The following LATS2 variants were observed in gnomAD, a reference collection of about 807,000 sequenced individuals.
LATS2 encodes serine/threonine-protein kinase LATS2.
Under a neutral mutation model 76.0 loss-of-function variants are expected in LATS2, and 24 were observed. The observed-to-expected ratio is 0.32, with a 90% CI of 0.23 to 0.44. The LOEUF (loss-of-function observed/expected upper bound fraction) is 0.44. Among genes scored for constraint, LATS2 ranks in the 20% least tolerant of loss-of-function variants. The pLI is 1.00. For missense variants in LATS2, 1,286 were observed against 1,481.2 expected (o/e 0.87, Z 2.16); for synonymous variants, 692 against 635.4 (o/e 1.09, Z -1.34).
At chr13:21,047,128 T>TC (rs1177069152) in intron 1 of LATS2, among the ~76,000 whole-genome samples, 6 of 152,158 alleles carry the variant, frequency 3.9e-5, no homozygotes, top group Non-Finnish European at 4.4e-5. Context: ...ACCCCAGGCC[T>TC]CGTTCACGGC....
intron 7 of LATS2, among the ~76,000 whole-genome samples, chr13:20,976,625 G>C (rs1161044657): frequency 6.6e-6 from 1 of 152,086 alleles, no homozygotes; most frequent in African/African-American, 2.4e-5. Context: ...GATTTAAAAA[G>C]GGTAATGGAC....
At chr13:21,025,740 GGT>G (rs1269144561) in intron 2 of LATS2, among the ~76,000 whole-genome samples, 1 of 152,154 alleles carries the variant, frequency 6.6e-6, no homozygotes, top group Non-Finnish European at 1.5e-5. Context: ...GTTCATACAT[GGT>G]GAGGTCTCCT....
At chr13:21,032,732 G>A (rs138423442) in intron 2 of LATS2, among the ~76,000 whole-genome samples, 1 of 152,266 alleles carries the variant, frequency 6.6e-6, no homozygotes, top group South Asian at 2.1e-4. Context: ...GGATGGTACC[G>A]ACACAAATGG....
chr13:21,059,773 C>A (rs943100947), intron 1 of LATS2, among the ~76,000 whole-genome samples: 3 of 152,114 alleles, frequency 2.0e-5, no homozygotes, highest in Non-Finnish European at 4.4e-5. Context: ...CGAGAGCCAG[C>A]CTGGCCAACA....
chr13:21,030,591 C>CAAAAAAAAAAAAAA (rs374884189), intron 2 of LATS2, among the ~76,000 whole-genome samples: 1 of 25,672 alleles, frequency 3.9e-5, no homozygotes, highest in Non-Finnish European at 9.0e-5. Flanking sequence ...GACTCCGTCT[C>CAAAAAAAAAAAAAA]AAAAAAAAAA....
intron 2 of LATS2, among the ~76,000 whole-genome samples, chr13:21,000,623 A>T (rs1477005111): frequency 6.6e-6 from 1 of 152,180 alleles, no homozygotes; most frequent in African/African-American, 2.4e-5. Flanking sequence ...CTCAAATAGG[A>T]AAGTGTGGGA....
chr13:21,023,684 C>A (rs9506594), intron 2 of LATS2, among the ~76,000 whole-genome samples: 22,221 of 29,184 alleles, frequency 0.76, 7,920 homozygotes, highest in Middle Eastern at 0.9. Flanking sequence ...AAAAAAAAAA[C>A]AAACCTCGGC....
chr13:21,000,862 G>T (rs9316060), intron 2 of LATS2, among the ~76,000 whole-genome samples: 81,314 of 152,104 alleles, frequency 0.53, 25,712 homozygotes, highest in Non-Finnish European at 0.7. Context: ...ATGTCTCTTA[G>T]TAACTATGTA....
intron 2 of LATS2, among the ~76,000 whole-genome samples, chr13:21,033,258 G>A (rs1384529079): frequency 1.3e-5 from 2 of 152,094 alleles, no homozygotes; most frequent in East Asian, 3.9e-4. Context: ...GAGAAACAGG[G>A]AGGATGGGAG....
intron 5 of LATS2, among the ~76,000 whole-genome samples, chr13:20,982,061 AC>A (rs1375004507): frequency 6.6e-6 from 1 of 152,262 alleles, no homozygotes; most frequent in African/African-American, 2.4e-5. Context: ...AACAACATGA[AC>A]AAAGGTTACT....
At chr13:20,985,063 C>T (rs1164337935) in intron 4 of LATS2, among the ~76,000 whole-genome samples, 1 of 152,166 alleles carries the variant, frequency 6.6e-6, no homozygotes, top group East Asian at 1.9e-4. Flanking sequence ...AAGAGACATG[C>T]TGGGAAAACT....
intron 2 of LATS2, among the ~76,000 whole-genome samples, chr13:21,000,082 T>TA (rs1187695577): frequency 1.3e-5 from 2 of 151,666 alleles, no homozygotes; most frequent in South Asian, 2.1e-4. Context: ...CAAAATAAAA[T>TA]AAAAAATTAT....
At position 20,974,658 on chromosome 13, in the gene LATS2, G is replaced by C; in HGVS notation, c.*212C>G. ...AAAAATATTGTTTTAATGCAGTGAA[G>C]GTCCTGAAAAGCCTATTGAAAGCGA... On this transcript the variant is annotated 3_prime_UTR_variant, in exon 8 of 8. Transcript: ENST00000382592. 1.8e-6 allele frequency: 1 copy of C among 548,162 alleles called. No individual in the cohort carries two copies. The highest frequency in any genetic ancestry group is 2.7e-5 in the South Asian group (1 of 37,298). The allele number at this position is 548,162 out of a possible 1,614,324, so 34.0% of individuals were successfully genotyped here. A position where few individuals can be genotyped will look rare whatever the true frequency, so the allele number is the denominator to read the frequency against.
intron 2 of LATS2, among the ~76,000 whole-genome samples, chr13:21,003,297 G>C (rs546480579): frequency 1.6e-4 from 24 of 151,576 alleles, no homozygotes; most frequent in African/African-American, 5.3e-4. Flanking sequence ...CTCAGAGTTC[G>C]GGCTGGAGTG....
intron 1 of LATS2, among the ~76,000 whole-genome samples, chr13:21,047,699 G>T (rs1342291345): frequency 6.7e-6 from 1 of 149,520 alleles, no homozygotes; most frequent in Non-Finnish European, 1.5e-5. Context: ...TTTTTCAAGT[G>T]GATTAAAAAA....
At chr13:21,035,896 G>GCCC (rs998892609) in intron 2 of LATS2, among the ~76,000 whole-genome samples, 2 of 152,082 alleles carry the variant, frequency 1.3e-5, no homozygotes, top group Non-Finnish European at 2.9e-5. Context: ...TTCCTCAAAA[G>GCCC]CCCCCTTCCC....
intron 2 of LATS2, among the ~76,000 whole-genome samples, chr13:20,992,705 G>A (rs551897602): frequency 9.9e-5 from 15 of 152,222 alleles, no homozygotes; most frequent in African/African-American, 3.6e-4. Flanking sequence ...GGGGAGCTCC[G>A]GAAAGGAGTC....
intron 4 of LATS2, among the ~76,000 whole-genome samples, chr13:20,984,815 G>GA (rs1422118205): frequency 6.6e-6 from 1 of 152,034 alleles, no homozygotes; most frequent in Non-Finnish European, 1.5e-5. Flanking sequence ...CACATTACTA[G>GA]AAAAAACAAT....
chr13:21,040,390 AAGAAAG>A (rs1481281390), intron 2 of LATS2, among the ~76,000 whole-genome samples: 13 of 151,704 alleles, frequency 8.6e-5, no homozygotes, highest in African/African-American at 3.2e-4. Flanking sequence ...AAAAAAAAAA[AAGAAAG>A]AAAAAGAAAA....
Sources: allele counts gnomAD v4.1 joint callset (sites outside exome capture counted in the v4.1 genomes callset), GRCh38; gene constraint gnomAD v4.1.1; transcripts MANE v1.5; gene names NCBI Gene and HGNC (gene_info 2026-07-23, HGNC 2026-07-21).